The following DGAT1 variants were observed in gnomAD, a reference collection of about 807,000 sequenced individuals.
The protein encoded by DGAT1 is ACAT related gene product 1.
DGAT1 carries 60 observed loss-of-function variants against 72.6 expected under a neutral mutation model. That is an observed-to-expected ratio of 0.83 (90% CI 0.67 to 1.02). The LOEUF is 1.02. Ranked by LOEUF, DGAT1 falls within the 50% of genes least tolerant of loss-of-function variation. DGAT1 has a pLI of 0.00. For synonymous variants in DGAT1, 290 were observed against 267.5 expected (o/e 1.08, Z -0.82); for missense variants, 592 against 670.0 (o/e 0.88, Z 1.29).
Position 144,315,323 on chromosome 8 carries a change from C to T in DGAT1, c.*1231G>A, listed in dbSNP as rs914561017. The T allele has an allele frequency of 1.0e-6, 1 of 985,470 alleles. No individual in the cohort carries two copies. Among genetic ancestry groups the T allele is most frequent in the African/African-American group, 1.7e-5 (1 of 57,358 alleles). The allele number at this position is 985,470 out of a possible 1,614,324, so 61.0% of individuals were successfully genotyped here. Reference sequence around the variant, plus strand: ...CCAAGGAGATGCCTCCATCTCAGGGCCCACCAGCCCCCACTGGGGTAGAGG... The same window carrying T: ...CCAAGGAGATGCCTCCATCTCAGGGTCCACCAGCCCCCACTGGGGTAGAGG... On this transcript the variant is annotated 3_prime_UTR_variant, in exon 17 of 17. Coordinates refer to ENST00000528718, the MANE Select transcript of DGAT1 (RefSeq NM_012079.6).
rs782690779 is a variant in DGAT1 at position 144,321,427 on chromosome 8, A to C, written c.201-19T>G. 6 of 1,612,420 alleles carry C rather than the reference A, an allele frequency of 3.7e-6. No individual in the cohort carries two copies. The highest frequency in any genetic ancestry group is 5.1e-6 in the Non-Finnish European group (6 of 1,178,848). On this transcript the variant is annotated intron_variant, in intron 1 of 16. Coordinates refer to ENST00000528718, the MANE Select transcript of DGAT1 (RefSeq NM_012079.6). ...ATGGCACCTGACAGAGCACAACACA[A>C]GCACCCCCTGAGTGGGCACCAGCAG... is the stretch of plus-strand genomic sequence containing the variant.
chr8:144,316,207 G>A lies in DGAT1; in HGVS notation c.*347C>T, dbSNP rs1242709525. 1 of 254,406 alleles carries A rather than the reference G, an allele frequency of 3.9e-6. No individual in the cohort carries two copies. The highest frequency in any genetic ancestry group is 7.6e-6 in the Non-Finnish European group (1 of 131,452). The allele number at this position is 254,406 out of a possible 1,614,324, so 15.8% of individuals were successfully genotyped here. On this transcript the variant is annotated 3_prime_UTR_variant, in exon 17 of 17. Coordinates refer to ENST00000528718, the MANE Select transcript of DGAT1 (RefSeq NM_012079.6). ...CTGCTCCCCGGCAGGTCCTGGGACA[G>A]CTGTCCACACAGCTCTGGCACTCGC... is the stretch of plus-strand genomic sequence containing the variant.
chr8:144,326,508 C>G lies in DGAT1; in HGVS notation c.129G>C (p.Ala43=). ...DAAAGPDVGA[A]GDAPAPAPNK... is the part of the protein sequence containing the mutation. Reference sequence around the variant, plus strand: ...TGGGGGCCGGGGCTGGCGCGTCCCCCGCGGCTCCCACGTCGGGGCCCGCAG... The same window carrying G: ...TGGGGGCCGGGGCTGGCGCGTCCCCGGCGGCTCCCACGTCGGGGCCCGCAG... The change falls in exon 1 of 17, where the codon GCG becomes GCC. Residue 43 remains alanine, a synonymous_variant. Transcript: ENST00000528718. 7.8e-7 allele frequency: 1 copy of G among 1,276,742 alleles called. No homozygotes were observed. The highest frequency in any genetic ancestry group is 9.9e-7 in the Non-Finnish European group (1 of 1,008,690). 79.1% of individuals were successfully genotyped at this position (1,276,742 alleles called of 1,614,324 possible).
chr8:144,326,342 G>A, intron 1 of DGAT1, 95 bp downstream of exon 1: 1 of 1,156,810 alleles, frequency 8.6e-7, no homozygotes, highest in Non-Finnish European at 1.1e-6. Context: ...TTAGCCCAGG[G>A]CCCATGTTCT....
Position 144,318,833 on chromosome 8 carries a change from A to C in DGAT1, c.415+2T>G. Reference sequence around the variant, plus strand: ...CGAGGCCCTCCTCAGAGCCCAGCTCACCAATAACCAGGCATGGGGCGGGCC... The same window carrying C: ...CGAGGCCCTCCTCAGAGCCCAGCTCCCCAATAACCAGGCATGGGGCGGGCC... On this transcript the variant is annotated splice_donor_variant, in intron 4 of 16. Transcript: ENST00000528718. LOFTEE classifies it high-confidence loss of function. The C allele has an allele frequency of 6.2e-7, 1 of 1,611,686 alleles. No homozygotes were observed. The highest frequency in any genetic ancestry group is 8.5e-7 in the Non-Finnish European group (1 of 1,178,950).
At chr8:144,324,133 G>T (rs1817533571) in intron 1 of DGAT1, among the ~76,000 whole-genome samples, 1 of 152,238 alleles carries the variant, frequency 6.6e-6, no homozygotes, top group Non-Finnish European at 1.5e-5. Flanking sequence ...GAGCAGAAAG[G>T]GGTGCCCTCT....
chr8:144,316,525 C>T lies in DGAT1; in HGVS notation c.*29G>A, dbSNP rs1554847001. 1.2e-5 allele frequency: 18 copies of T among 1,557,918 alleles called. No homozygotes were observed. The highest frequency in any genetic ancestry group is 1.6e-5 in the Non-Finnish European group (18 of 1,149,756). Reference sequence around the variant, plus strand: ...GGCTCTGGCAGCGGGTGTGAGGTGGCAGTGAGAAGCCAGGCCCTCAGGTGC... The same window carrying T: ...GGCTCTGGCAGCGGGTGTGAGGTGGTAGTGAGAAGCCAGGCCCTCAGGTGC... On this transcript the variant is annotated 3_prime_UTR_variant, in exon 17 of 17. Transcript: ENST00000528718.
chr8:144,314,668 A>G lies in DGAT1; in HGVS notation c.*1886T>C, dbSNP rs1437998727. 2 of 328,508 alleles carry G rather than the reference A, an allele frequency of 6.1e-6. No individual in the cohort carries two copies. The highest frequency in any genetic ancestry group is 4.1e-5 in the African/African-American group (2 of 48,458). The allele number at this position is 328,508 out of a possible 1,614,324, so 20.3% of individuals were successfully genotyped here. A position where few individuals can be genotyped will look rare whatever the true frequency, so the allele number is the denominator to read the frequency against. ...CAGAGATACACAGATATATACACAC[A>G]GTGGATGGACGGACAAGACAGGCAG... On this transcript the variant is annotated 3_prime_UTR_variant, in exon 17 of 17. Transcript: ENST00000528718.
chr8:144,324,202 G>C (rs1554848517), intron 1 of DGAT1, among the ~76,000 whole-genome samples: 1 of 152,166 alleles, frequency 6.6e-6, no homozygotes, highest in Non-Finnish European at 1.5e-5. Context: ...CTCACACCCA[G>C]AGCCCAGCCC....
At chr8:144,325,437 C>G (rs894716265) in intron 1 of DGAT1, among the ~76,000 whole-genome samples, 1 of 152,166 alleles carries the variant, frequency 6.6e-6, no homozygotes, top group Non-Finnish European at 1.5e-5. Flanking sequence ...AAGCTCTGTT[C>G]TTGCTCACTG....
intron 4 of DGAT1, 40 bp downstream of exon 4, chr8:144,318,795 C>T: frequency 1.2e-6 from 2 of 1,607,354 alleles, no homozygotes; most frequent in Non-Finnish European, 8.5e-7. Context: ...GCCACGTCAG[C>T]CTGATCCCCA....
In DGAT1 at chr8:144,316,594, T is replaced by C. The variant is rs782726552; in HGVS notation, c.1427A>G (p.Tyr476Cys). 1 of 1,605,370 alleles carries C rather than the reference T, an allele frequency of 6.2e-7. No homozygotes were observed. The highest frequency in any genetic ancestry group is 1.1e-5 in the South Asian group (1 of 89,530). ...PIAVLMYVHDYYVLNYEAPAA... is the reference protein window; with the variant it reads ...PIAVLMYVHDCYVLNYEAPAA... ...TGGGGCCTCATAGTTGAGCACGTAG[T>C]AGTCGTGGACGTACATGAGGACGGC... is the stretch of plus-strand genomic sequence containing the variant. Residue 476 changes from tyrosine (Y) to cysteine (C), a missense_variant, in exon 17 of 17, where the codon TAC becomes TGC. Transcript: ENST00000528718.
chr8:144,314,790 G>T lies in DGAT1; in HGVS notation c.*1764C>A. On this transcript the variant is annotated 3_prime_UTR_variant, in exon 17 of 17. Transcript: ENST00000528718. ...TGGTGCTGCAATGAGGAGGGGCCCA[G>T]GGCACAGAAGGGCCGGGCTGCAGTG... The T allele has an allele frequency of 2.0e-6, 1 of 508,840 alleles. No individual in the cohort carries two copies. Among genetic ancestry groups the T allele is most frequent in the South Asian group, 7.8e-5 (1 of 12,894 alleles). 31.5% of individuals were successfully genotyped at this position (508,840 alleles called of 1,614,324 possible). A position where few individuals can be genotyped will look rare whatever the true frequency, so the allele number is the denominator to read the frequency against.
chr8:144,316,948 T>C (rs1817251769), intron 15 of DGAT1, 33 bp from the exon 16 acceptor site: 1 of 1,611,950 alleles, frequency 6.2e-7, no homozygotes, highest in African/African-American at 1.3e-5. Flanking sequence ...TGCCAGGGAG[T>C]GGGGTGTCAG....
At position 144,316,577 on chromosome 8, in the gene DGAT1, C is replaced by G; in HGVS notation, c.1444G>C (p.Glu482Gln). 6.2e-7 allele frequency: 1 copy of G among 1,601,060 alleles called. No homozygotes were observed. The highest frequency in any genetic ancestry group is 1.1e-5 in the South Asian group (1 of 88,956). Residue 482 changes from glutamate to glutamine, a missense_variant, in exon 17 of 17, where the codon GAG (glutamate) becomes CAG (glutamine). Coordinates refer to ENST00000528718, the MANE Select transcript of DGAT1 (RefSeq NM_012079.6). ...GCTCAGGCCTCTGCCGCTGGGGCCT[C>G]ATAGTTGAGCACGTAGTAGTCGTGG... is the stretch of plus-strand genomic sequence containing the variant. ...YVHDYYVLNY[E>Q]APAAEA
At position 144,317,056 on chromosome 8, in the gene DGAT1, G is replaced by A. The variant is rs782179106; in HGVS notation, c.1214C>T (p.Thr405Ile). The change falls in exon 15 of 17, where the codon ACA becomes ATA. Residue 405 changes from threonine (T) to isoleucine (I), a missense_variant. By Grantham distance (89) the Thr-to-Ile change is moderately conservative. Transcript: ENST00000528718. ...RRGSSKWMAR[T>I]GVFLASAFFH... ...GAAGGCCGAGGCCAGGAACACCCCT[G>A]TCCTGGCCATCCACTTGCTGCTGCC... is the stretch of plus-strand genomic sequence containing the variant. The A allele has an allele frequency of 3.7e-6, 6 of 1,612,622 alleles. No individual in the cohort carries two copies. The highest frequency in any genetic ancestry group is 2.2e-5 in the East Asian group (1 of 44,894).
chr8:144,325,297 C>T (rs1307111091), intron 1 of DGAT1, among the ~76,000 whole-genome samples: 1 of 152,086 alleles, frequency 6.6e-6, no homozygotes, highest in African/African-American at 2.4e-5. Flanking sequence ...CCGTGCCCGA[C>T]CTTTGTCCAT....
chr8:144,320,343 G>C (rs1817413028), intron 2 of DGAT1, among the ~76,000 whole-genome samples: 1 of 152,216 alleles, frequency 6.6e-6, no homozygotes, highest in African/African-American at 2.4e-5. Flanking sequence ...TGAGTGCTGG[G>C]CTGGCGCTGG....
chr8:144,321,053 C>T (rs1312683592), intron 2 of DGAT1, among the ~76,000 whole-genome samples: 1 of 152,186 alleles, frequency 6.6e-6, no homozygotes, highest in Admixed American at 6.5e-5. Flanking sequence ...ACCACATCTG[C>T]AGGGCTCTCC....
Sources: allele counts gnomAD v4.1 joint callset (sites outside exome capture counted in the v4.1 genomes callset), GRCh38; gene constraint gnomAD v4.1.1; transcripts MANE v1.5; gene names NCBI Gene and HGNC (gene_info 2026-07-23, HGNC 2026-07-21).